Variants in ZBED6 observed in about 807,000 individuals in gnomAD.
ZBED6 encodes the protein zinc finger BED domain-containing protein 6.
Under a neutral mutation model 58.4 loss-of-function variants are expected in ZBED6, and 40 were observed. That is an observed-to-expected ratio of 0.68 (90% CI 0.53 to 0.89). ZBED6 has a LOEUF of 0.89. Among genes scored for constraint, ZBED6 ranks in the 40% least tolerant of loss-of-function variants. The pLI is 0.00. For synonymous variants in ZBED6, 439 were observed against 350.6 expected (o/e 1.25, Z -2.82); for missense variants, 1,057 against 1,003.9 (o/e 1.05, Z -0.71).
exon 9 of ZBED6, chr1:203,833,842 A>G (rs1383874095): frequency 1.2e-6 from 2 of 1,609,888 alleles, no homozygotes; most frequent in African/African-American, 1.3e-5. Context: ...GGGAAACGAA[A>G]ATTTTCAGCA....
exon 1 of ZBED6, chr1:203,798,257 G>A (rs1457995593): frequency 8.5e-6 from 13 of 1,536,102 alleles, no homozygotes; most frequent in Middle Eastern, 1.7e-4. Flanking sequence ...CAGAAAGAGG[G>A]AGATTTCTCA....
At chr1:203,805,950 A>G in intron 1 of ZBED6, 1 of 630,918 alleles carries the variant, frequency 1.6e-6, no homozygotes, top group Non-Finnish European at 3.0e-6. Flanking sequence ...GTTTCATAGC[A>G]TCAACCGTGG....
exon 1 of ZBED6, chr1:203,800,457 C>T (rs1670217824): frequency 2.0e-6 from 3 of 1,479,636 alleles, no homozygotes; most frequent in East Asian, 2.5e-5. Context: ...AGAAATACTG[C>T]CTTAATTTCT....
intron 7 of ZBED6, among the ~76,000 whole-genome samples, chr1:203,830,943 T>A (rs1213365906): frequency 8.0e-6 from 1 of 125,424 alleles, no homozygotes; most frequent in African/African-American, 3.3e-5. Context: ...TTTTTTTTTT[T>A]TTTTTTTTTT....
intron 1 of ZBED6, chr1:203,805,498 G>T: frequency 2.3e-6 from 1 of 443,882 alleles, no homozygotes; most frequent in Non-Finnish European, 4.4e-6. Flanking sequence ...AAATAGAAGA[G>T]CAATGTAATT....
chr1:203,820,566 C>T (rs1299413349), intron 3 of ZBED6, among the ~76,000 whole-genome samples: 1 of 151,770 alleles, frequency 6.6e-6, no homozygotes, highest in East Asian at 1.9e-4. Context: ...CGACCTCTGC[C>T]TCCTGAGTTC....
At chr1:203,796,839 AT>A (rs1012703742) in exon 1 of ZBED6, 7 of 165,992 alleles carry the variant, frequency 4.2e-5, no homozygotes, top group South Asian at 2.0e-4. Flanking sequence ...TTCTCAAAGC[AT>A]TTTTTTCCAG....
At chr1:203,837,082 C>T (rs939749828) in intron 9 of ZBED6, among the ~76,000 whole-genome samples, 1 of 151,914 alleles carries the variant, frequency 6.6e-6, no homozygotes, top group Non-Finnish European at 1.5e-5. Flanking sequence ...ATCACCTGAG[C>T]TCAGGAGTTC....
chr1:203,806,849 C>CTTTTTTTTTTTTTTTTTT (rs1672540861), intron 1 of ZBED6, among the ~76,000 whole-genome samples: 1 of 35,942 alleles, frequency 2.8e-5, no homozygotes, highest in Non-Finnish European at 6.0e-5. Flanking sequence ...TTTTTTTTTG[C>CTTTTTTTTTTTTTTTTTT]TATTTTACTT....
chr1:203,815,379 C>CTT (rs397711285), intron 1 of ZBED6, among the ~76,000 whole-genome samples: 2,850 of 96,838 alleles, frequency 0.029, 86 homozygotes, highest in Non-Finnish European at 0.039. Context: ...CCACACCCAG[C>CTT]TTTTTTTTTT....
At chr1:203,802,444 A>G (rs1368337899) in exon 1 of ZBED6, 1 of 152,496 alleles carries the variant, frequency 6.6e-6, no homozygotes, top group Non-Finnish European at 1.5e-5. Context: ...GTGTGTGTGT[A>G]TAAGCCAGTT....
Position 203,848,607 on chromosome 1 carries a change from G to T in ZBED6, c.*4322+200G>T, listed in dbSNP as rs142474119. On this transcript the variant is annotated intron_variant, in intron 13 of 16. Coordinates refer to ENST00000550078, the Ensembl canonical transcript of ZBED6. ...GCTGCCCTTTTAAAGTTTTTTGTTTGCCGGGCGCGGTGGCTCACGCCTGTA... is the reference window on the plus strand; with the variant it reads ...GCTGCCCTTTTAAAGTTTTTTGTTTTCCGGGCGCGGTGGCTCACGCCTGTA... Among the ~76,000 whole-genome samples the T allele has an allele frequency of 3.6e-4, 55 of 152,186 alleles. 1 individual carries two copies. The East Asian group carries it at 0.01, about 28-fold the overall frequency.
At chr1:203,799,468 T>C (rs1289404173) in exon 1 of ZBED6, 1 of 702,996 alleles carries the variant, frequency 1.4e-6, no homozygotes, top group Non-Finnish European at 2.6e-6. Flanking sequence ...GGCCATTGGA[T>C]TTCTACTTTT....
At chr1:203,829,948 G>C in intron 6 of ZBED6, 52 bp downstream of exon 6, 1 of 1,522,752 alleles carries the variant, frequency 6.6e-7, no homozygotes, top group Non-Finnish European at 9.1e-7. Context: ...AACTACCTTT[G>C]AAATTTAGTT....
chr1:203,849,431 C>T (rs1246481905), intron 13 of ZBED6, among the ~76,000 whole-genome samples: 3 of 152,076 alleles, frequency 2.0e-5, no homozygotes, highest in African/African-American at 7.2e-5. Flanking sequence ...GTACATAAAT[C>T]TTTGTGCAGG....
intron 3 of ZBED6, among the ~76,000 whole-genome samples, chr1:203,824,697 G>C (rs967371356): frequency 1.3e-5 from 2 of 152,138 alleles, no homozygotes; most frequent in Non-Finnish European, 2.9e-5. Context: ...GTTGGTGGTG[G>C]TGCTGCTTAA....
chr1:203,852,363 C>T, exon 17 of ZBED6: 1 of 1,613,698 alleles, frequency 6.2e-7, no homozygotes, highest in Non-Finnish European at 8.5e-7. Flanking sequence ...ATGAAGATGA[C>T]CTTCTGCTTG....
chr1:203,804,825 A>G (rs1001337045), intron 1 of ZBED6, among the ~76,000 whole-genome samples: 1 of 151,820 alleles, frequency 6.6e-6, no homozygotes, highest in Non-Finnish European at 1.5e-5. Context: ...GGCGCATGCC[A>G]CCATGCCCGG....
Position 203,851,217 on chromosome 1 carries a change from A to G in ZBED6, c.*4873+93A>G, listed in dbSNP as rs552047262. 3.4e-5 allele frequency: 38 copies of G among 1,132,230 alleles called. No homozygotes were observed. The African/African-American group carries it at 4.9e-4, about 14-fold the overall frequency. 70.1% of individuals were successfully genotyped at this position (1,132,230 alleles called of 1,614,324 possible). A position where few individuals can be genotyped will look rare whatever the true frequency, so the allele number is the denominator to read the frequency against. Reference sequence around the variant, plus strand: ...AACACTGATAAATAACTTTAGCAACATTCAAATAAATCTGTTGCACTTCAA... The same window carrying G: ...AACACTGATAAATAACTTTAGCAACGTTCAAATAAATCTGTTGCACTTCAA... On this transcript the variant is annotated intron_variant, in intron 16 of 16. Coordinates refer to ENST00000550078, the Ensembl canonical transcript of ZBED6.
Sources: gnomAD v4.1 joint callset for allele counts (sites outside exome capture counted in the v4.1 genomes callset) on GRCh38, gnomAD v4.1.1 for gene constraint, MANE v1.5 for transcripts, NCBI Gene and HGNC (gene_info 2026-07-23, HGNC 2026-07-21) for gene names.